Variants in LCT observed in about 807,000 individuals in gnomAD.
LCT encodes lactase, also known as lactase/phlorizin hydrolase.
LCT carries 90 observed loss-of-function variants against 173.0 expected under a neutral mutation model. The observed-to-expected ratio is 0.52, with a 90% CI of 0.44 to 0.62. LCT has a LOEUF of 0.62. Ranked by LOEUF, LCT falls within the 20% of genes least tolerant of loss-of-function variation. LCT has a pLI of 0.00. For missense variants in LCT, 1,864 were observed against 2,431.4 expected (o/e 0.77, Z 4.91); for synonymous variants, 853 against 957.6 (o/e 0.89, Z 2.02).
rs771663619 is a variant in LCT, at chr2:135,793,266, G to A, written c.5111+1375C>T. ...GGAGCAGGTGCTGGTATCCATGGCT[G>A]GGAGACCTGAAGACAGATCACATCA... is the stretch of plus-strand genomic sequence containing the variant. On this transcript the variant is annotated intron_variant, in intron 14 of 16. Coordinates refer to ENST00000264162, the MANE Select transcript of LCT (RefSeq NM_002299.4). 2.3e-4 allele frequency among the ~76,000 whole-genome samples: 35 copies of A among 152,312 alleles called. 1 individual carries two copies. Among genetic ancestry groups the A allele is most frequent in the African/African-American group, 8.4e-4 (35 of 41,576 alleles).
chr2:135,807,818 AAT>A (rs1308951897), intron 8 of LCT, among the ~76,000 whole-genome samples: 1 of 151,834 alleles, frequency 6.6e-6, no homozygotes, highest in Non-Finnish European at 1.5e-5. Context: ...AAAAAAAAAA[AAT>A]CAATGAAACA....
intron 6 of LCT, 98 bp downstream of exon 6, chr2:135,817,243 G>A: frequency 7.1e-7 from 1 of 1,407,804 alleles, no homozygotes; most frequent in Non-Finnish European, 9.6e-7. Context: ...AGAACAAAAA[G>A]TAAAGGCTTG....
chr2:135,804,235 T>A, intron 10 of LCT, 107 bp from the exon 11 acceptor site: 1 of 907,350 alleles, frequency 1.1e-6, no homozygotes, highest in Non-Finnish European at 1.8e-6. Flanking sequence ...GAGTGACTTA[T>A]GAGACAAAAA....
chr2:135,817,450 C>T lies in LCT; in HGVS notation c.1598G>A (p.Arg533His), dbSNP rs1359681653. ...ATGGAAGGTCACCCACAGCTTCACA[C>T]GGTCCCCAAATGTGGAGAAGCAGAA... The part of the protein sequence containing the change: ...AAFCFSTFGD[R>H]VKLWVTFHEP... Residue 533 changes from arginine (R) to histidine (H), a missense_variant, in exon 6 of 17, where the codon CGT becomes CAT. Physicochemically the swap from Arg to His is conservative, Grantham distance 29. Coordinates refer to ENST00000264162, the MANE Select transcript of LCT (RefSeq NM_002299.4). The T allele has an allele frequency of 6.2e-6, 10 of 1,614,054 alleles. No homozygotes were observed. Among genetic ancestry groups the T allele is most frequent in the Non-Finnish European group, 8.5e-6 (10 of 1,180,042 alleles).
In LCT at chr2:135,812,633, A is replaced by C; in HGVS notation, c.2031T>G (p.Ser677=). The change falls in exon 7 of 17, where the codon TCT becomes TCG. Residue 677 remains serine, a synonymous_variant. Transcript: ENST00000264162. Reference sequence around the variant, plus strand: ...AATGCGACAGACCCAGAAAATCAGCAGAGCCTTTCAGGAGCTGCTTCTCTG... The same window carrying C: ...AATGCGACAGACCCAGAAAATCAGCCGAGCCTTTCAGGAGCTGCTTCTCTG... The part of the protein sequence containing the change: ...TEAEKQLLKG[S]ADFLGLSHYT... 1 of 1,611,360 alleles carries C rather than the reference A, an allele frequency of 6.2e-7. No individual in the cohort carries two copies.
In LCT at chr2:135,794,735, C is replaced by T. The variant is rs932910825; in HGVS notation, c.5017G>A (p.Gly1673Ser). The T allele has an allele frequency of 8.7e-6, 14 of 1,614,022 alleles. No homozygotes were observed. The highest frequency in any genetic ancestry group is 4.4e-5 in the South Asian group (4 of 91,090). Residue 1673 changes from glycine (G) to serine (S), a missense_variant, in exon 14 of 17, where the codon GGC becomes AGC. Gly to Ser is a moderately conservative substitution (Grantham distance 56). Transcript: ENST00000264162. ...FTESEKRRIN[G>S]TYDFFGFNHY... Reference sequence around the variant, plus strand: ...TTGAACCCAAAAAAGTCATAGGTGCCGTTGATCCTCCTCTTCTCACTCTCT... The same window carrying T: ...TTGAACCCAAAAAAGTCATAGGTGCTGTTGATCCTCCTCTTCTCACTCTCT...
chr2:135,824,380 A>C (rs2077865365), intron 3 of LCT, among the ~76,000 whole-genome samples: 1 of 152,170 alleles, frequency 6.6e-6, no homozygotes, highest in Admixed American at 6.5e-5. Flanking sequence ...GCTTCAAAAT[A>C]ATCCAGTTTG....
In LCT at chr2:135,809,259, T is replaced by C. The variant is rs375896074; in HGVS notation, c.3088A>G (p.Ile1030Val). 1 of 1,614,150 alleles carries C rather than the reference T, an allele frequency of 6.2e-7. No individual in the cohort carries two copies. ...HWDLPQALQD[I>V]GGWENPALID... is the part of the protein sequence containing the mutation. Reference sequence around the variant, plus strand: ...AAGGCAGGATTCTCCCAGCCTCCGATATCCTGGAGGGCCTGGGGCAGGTCC... The same window carrying C: ...AAGGCAGGATTCTCCCAGCCTCCGACATCCTGGAGGGCCTGGGGCAGGTCC... The change falls in exon 8 of 17, where the codon ATC becomes GTC. Residue 1030 changes from isoleucine (I) to valine (V), a missense_variant. This residue lies in a region of LCT where 755 missense variants were observed against 926.3 expected (regional missense o/e 0.82). Transcript: ENST00000264162. The surrounding 1 kb of genome is among the most constrained non-coding windows in gnomAD (Gnocchi z 5.5).
At chr2:135,833,225 C>A (rs3754688) in intron 1 of LCT, 35 bp from the exon 2 acceptor site, 2 of 1,509,110 alleles carry the variant, frequency 1.3e-6, no homozygotes, top group Non-Finnish European at 1.8e-6. Flanking sequence ...AGCAGGTGAG[C>A]GAGGGCAGGA....
At chr2:135,834,601 A>G (rs991515754) in intron 1 of LCT, among the ~76,000 whole-genome samples, 4 of 149,858 alleles carry the variant, frequency 2.7e-5, no homozygotes, top group African/African-American at 9.8e-5. Context: ...CAGCCTGGCC[A>G]ACACGGTGAA....
chr2:135,829,887 T>C (rs1393188253), intron 2 of LCT, among the ~76,000 whole-genome samples: 1 of 148,216 alleles, frequency 6.7e-6, no homozygotes, highest in East Asian at 2.0e-4. Flanking sequence ...GCCTGTATGT[T>C]GTTGGGAATG....
chr2:135,790,969 G>T lies in LCT; in HGVS notation c.5112-88C>A. ...AAACACAAAACAGGACTTAGACCAG[G>T]AAAAGCCTTAGGTTTTGTCTAGCCT... is the stretch of plus-strand genomic sequence containing the variant. On this transcript the variant is annotated intron_variant, in intron 14 of 16. Coordinates refer to ENST00000264162, the MANE Select transcript of LCT (RefSeq NM_002299.4). The surrounding 1 kb of genome is among the most constrained non-coding windows in gnomAD (Gnocchi z 4.1). 1.0e-6 allele frequency: 1 copy of T among 988,708 alleles called. No homozygotes were observed. Among genetic ancestry groups the T allele is most frequent in the South Asian group, 1.3e-5 (1 of 75,304 alleles). 61.2% of individuals were successfully genotyped at this position (988,708 alleles called of 1,614,324 possible).
Position 135,812,851 on chromosome 2 carries a change from A to C in LCT, c.1813T>G (p.Trp605Gly), listed in dbSNP as rs2077746946. The C allele has an allele frequency of 3.1e-6, 5 of 1,614,230 alleles. No homozygotes were observed. The highest frequency in any genetic ancestry group is 4.2e-6 in the Non-Finnish European group (5 of 1,180,042). ...CTCTCTGGAGACAGGGGTTCTGCCC[A>C]GTCTGAGTTCAGCACAATGCCCACG... The part of the protein sequence containing the change: ...GHVGIVLNSD[W>G]AEPLSPERPE... Residue 605 changes from tryptophan (W) to glycine (G), a missense_variant, in exon 7 of 17, where the codon TGG becomes GGG. By Grantham distance (184) the Trp-to-Gly change is radical. Transcript: ENST00000264162.
chr2:135,791,493 C>T (rs185485971), intron 14 of LCT, among the ~76,000 whole-genome samples: 8 of 152,298 alleles, frequency 5.3e-5, no homozygotes, highest in Non-Finnish European at 7.4e-5. Context: ...GAAGCCTGAT[C>T]ACCTGTAGTC....
chr2:135,836,459 C>A, intron 1 of LCT, 71 bp downstream of exon 1: 1 of 1,387,230 alleles, frequency 7.2e-7, no homozygotes, highest in Non-Finnish European at 1.0e-6. Context: ...GTCGAATCTG[C>A]TCTAAGGAGG....
intron 1 of LCT, among the ~76,000 whole-genome samples, chr2:135,833,441 CTTTTTTTTTTT>C (rs35636116): frequency 1.9e-5 from 1 of 53,940 alleles, no homozygotes; most frequent in Non-Finnish European, 3.1e-5. Context: ...TCCTAAACTT[CTTTTTTTTTTT>C]TTTTTTTTTT....
At chr2:135,800,457 T>C (rs1214056520) in intron 12 of LCT, 150 bp downstream of exon 12, 8 of 740,738 alleles carry the variant, frequency 1.1e-5, no homozygotes, top group Non-Finnish European at 1.7e-5. Context: ...ACTCCTAGCC[T>C]CAAGAAATCC....
chr2:135,815,741 C>A (rs2077775562), intron 6 of LCT, among the ~76,000 whole-genome samples: 1 of 151,862 alleles, frequency 6.6e-6, no homozygotes, highest in South Asian at 2.1e-4. Context: ...CCCAGGCTGC[C>A]CAGGCTGGAG....
Position 135,810,260 on chromosome 2 carries a change from G to A in LCT, c.2354-267C>T, listed in dbSNP as rs2077723953. The A allele has an allele frequency of 9.8e-6, 4 of 408,990 alleles. No homozygotes were observed. In the Admixed American group the frequency reaches 1.2e-4, roughly 12 times the overall value. 25.3% of individuals were successfully genotyped at this position (408,990 alleles called of 1,614,324 possible). ...GGTTGTGAACAGTCAACTGAGATAA[G>A]TTATTACCTCGGACCAGCGAGGACT... On this transcript the variant is annotated intron_variant, in intron 7 of 16. Coordinates refer to ENST00000264162, the MANE Select transcript of LCT (RefSeq NM_002299.4).
Sources: allele counts gnomAD v4.1 joint callset (sites outside exome capture counted in the v4.1 genomes callset), GRCh38; gene constraint gnomAD v4.1.1; regional missense constraint gnomAD v4.1.1; non-coding constraint Gnocchi (gnomAD v3.1); transcripts MANE v1.5; gene names NCBI Gene and HGNC (gene_info 2026-07-23, HGNC 2026-07-21).